ZCCHC24: variants seen among roughly 807,000 people sequenced by gnomAD.
ZCCHC24 encodes zinc finger CCHC domain-containing protein 24.
A neutral mutation model predicts 26.2 loss-of-function variants in ZCCHC24; 10 were observed. The ratio of observed to expected loss-of-function variants is 0.38; its 90% CI spans 0.24 to 0.65. The LOEUF is 0.65. Ranked by LOEUF, ZCCHC24 falls within the 30% of genes least tolerant of loss-of-function variation. The pLI is 0.54. For missense variants in ZCCHC24, 243 were observed against 329.1 expected, an observed-to-expected ratio of 0.74 and a Z score of 2.03; for synonymous variants, 144 against 147.1, an observed-to-expected ratio of 0.98 and a Z score of 0.15.
intron 1 of ZCCHC24, among the ~76,000 whole-genome samples, chr10:79,440,138 C>G (rs964102071): frequency 6.6e-6 from 1 of 151,942 alleles, no homozygotes; most frequent in African/African-American, 2.4e-5. Flanking sequence ...CACAACAGAT[C>G]TAGGACCTGA....
In ZCCHC24 at chr10:79,440,391, CCCAGTACTCATGA is replaced by C. The variant is rs540357084; in HGVS notation, c.246+4791_246+4803del. On this transcript the variant is annotated intron_variant, in intron 1 of 3. Coordinates refer to ENST00000372336, the MANE Select transcript of ZCCHC24 (RefSeq NM_153367.4). ...GCTGGAACAGGGACATGGTAGGAAA[CCCAGTACTCATGA>C]CCAGTACTCAGCAATTCCAGAAAGT... Among the ~76,000 whole-genome samples the C allele has an allele frequency of 6.5e-4, 99 of 152,274 alleles. 3 individuals carry two copies. In the South Asian group the frequency reaches 0.02, roughly 31 times the overall value.
At chr10:79,391,425 G>C (rs1489836060) in intron 3 of ZCCHC24, among the ~76,000 whole-genome samples, 4 of 152,086 alleles carry the variant, frequency 2.6e-5, no homozygotes. Context: ...AGCTGGGGCA[G>C]TATCGGGGCA....
chr10:79,403,560 G>C (rs1056315719), intron 2 of ZCCHC24: 1 of 985,306 alleles, frequency 1.0e-6, no homozygotes, highest in African/African-American at 1.7e-5. Context: ...GCGGCCTGCA[G>C]GATGCTGGGA....
chr10:79,411,632 G>T (rs888016997), intron 2 of ZCCHC24, among the ~76,000 whole-genome samples: 1 of 152,166 alleles, frequency 6.6e-6, no homozygotes, highest in Non-Finnish European at 1.5e-5. Flanking sequence ...ACTGCCCACG[G>T]GTGCCCCACT....
At chr10:79,414,265 G>A (rs1382849991) in intron 2 of ZCCHC24, among the ~76,000 whole-genome samples, 1 of 152,232 alleles carries the variant, frequency 6.6e-6, no homozygotes, top group Non-Finnish European at 1.5e-5. Flanking sequence ...AGTTCTTGGA[G>A]TCTCTAGAAT....
chr10:79,406,276 T>G (rs1196006128), intron 2 of ZCCHC24, among the ~76,000 whole-genome samples: 2 of 152,126 alleles, frequency 1.3e-5, no homozygotes, highest in African/African-American at 4.8e-5. Context: ...ATTCCCTCCT[T>G]GCTGAGCGAG....
intron 2 of ZCCHC24, among the ~76,000 whole-genome samples, chr10:79,397,484 G>A (rs1448768256): frequency 6.6e-6 from 1 of 152,092 alleles, no homozygotes; most frequent in Non-Finnish European, 1.5e-5. Flanking sequence ...CTTCACCTGG[G>A]GTCTGGAACC....
intron 3 of ZCCHC24, among the ~76,000 whole-genome samples, chr10:79,387,151 T>C (rs1442888463): frequency 6.6e-6 from 1 of 152,048 alleles, no homozygotes; most frequent in Admixed American, 6.5e-5. Flanking sequence ...TGAGGCTGCA[T>C]GAATGAAACC....
At position 79,384,408 on chromosome 10, in the gene ZCCHC24, G is replaced by A. The variant is rs532497552; in HGVS notation, c.*1937C>T. On this transcript the variant is annotated 3_prime_UTR_variant, in exon 4 of 4. Transcript: ENST00000372336. ...CTGCGAACATTCTCTTTAGCAGTGC[G>A]GTAGGATGACTGTCAGTGGCAGCTT... 2.6e-5 allele frequency: 4 copies of A among 152,554 alleles called. No individual in the cohort carries two copies. The highest frequency in any genetic ancestry group is 2.1e-4 in the South Asian group (1 of 4,822). The allele number at this position is 152,554 out of a possible 1,614,324, so 9.5% of individuals were successfully genotyped here.
At chr10:79,412,031 G>A (rs1023597468) in intron 2 of ZCCHC24, among the ~76,000 whole-genome samples, 16 of 152,220 alleles carry the variant, frequency 1.1e-4, no homozygotes, top group East Asian at 1.9e-4. Context: ...GAGGAACCAC[G>A]TGGGGAGTCT....
Position 79,445,268 on chromosome 10 carries a change from C to T in ZCCHC24, c.173G>A (p.Gly58Asp), listed in dbSNP as rs1857349577. 4 of 1,454,616 alleles carry T rather than the reference C, an allele frequency of 2.7e-6. No individual in the cohort carries two copies. Among genetic ancestry groups the T allele is most frequent in the African/African-American group, 2.9e-5 (2 of 67,854 alleles). 90.1% of individuals were successfully genotyped at this position (1,454,616 alleles called of 1,614,324 possible). A position where few individuals can be genotyped will look rare whatever the true frequency, so the allele number is the denominator to read the frequency against. Residue 58 changes from glycine (G) to aspartate (D), a missense_variant, in exon 1 of 4, where the codon GGC becomes GAC. Transcript: ENST00000372336. ...AAPPELAFGKGRPEQLGSPLH... is the reference protein window; with the variant it reads ...AAPPELAFGKDRPEQLGSPLH... ...GGGCGAGCCCAGCTGCTCGGGGCGGCCCTTGCCGAAGGCCAGCTCCGGGGG... is the reference window on the plus strand; with the variant it reads ...GGGCGAGCCCAGCTGCTCGGGGCGGTCCTTGCCGAAGGCCAGCTCCGGGGG...
intron 1 of ZCCHC24, among the ~76,000 whole-genome samples, chr10:79,442,541 G>T (rs1857303649): frequency 6.6e-6 from 1 of 152,300 alleles, no homozygotes; most frequent in Admixed American, 6.5e-5. Context: ...GAGGGGGTGG[G>T]CTCTTGGCAC....
intron 1 of ZCCHC24, among the ~76,000 whole-genome samples, chr10:79,444,477 C>CT (rs374103179): frequency 6.6e-6 from 1 of 152,056 alleles, no homozygotes; most frequent in African/African-American, 2.4e-5. Flanking sequence ...CCTCTCCCCC[C>CT]CCCTTTCTAG....
At chr10:79,436,266 C>T (rs1857216766) in intron 1 of ZCCHC24, among the ~76,000 whole-genome samples, 1 of 152,226 alleles carries the variant, frequency 6.6e-6, no homozygotes, top group Non-Finnish European at 1.5e-5. Context: ...ATGCCCTTCT[C>T]TATGTCCATC....
intron 3 of ZCCHC24, 26 bp from the exon 4 acceptor site, chr10:79,386,484 C>T (rs532967965): frequency 5.8e-6 from 9 of 1,558,358 alleles, no homozygotes; most frequent in Non-Finnish European, 7.9e-6. Flanking sequence ...GGAAGGGGCC[C>T]AGGGGAGTGA....
In ZCCHC24 at chr10:79,385,964, G is replaced by A. The variant is rs1054108602; in HGVS notation, c.*381C>T. ...GGCCTGGCTGGTCTGGGGAGGTTTG[G>A]GATTCACAGTCAATTTAGTGCACCT... On this transcript the variant is annotated 3_prime_UTR_variant, in exon 4 of 4. Coordinates refer to ENST00000372336, the MANE Select transcript of ZCCHC24 (RefSeq NM_153367.4). This position sits in a 1 kb window ranked among gnomAD's most constrained non-coding sequence, Gnocchi z 4.3. 2.3e-6 allele frequency: 1 copy of A among 426,074 alleles called. No homozygotes were observed. Among genetic ancestry groups the A allele is most frequent in the Non-Finnish European group, 4.2e-6 (1 of 240,308 alleles). 26.4% of individuals were successfully genotyped at this position (426,074 alleles called of 1,614,324 possible). A position where few individuals can be genotyped will look rare whatever the true frequency, so the allele number is the denominator to read the frequency against.
chr10:79,427,003 C>A (rs560567663), intron 2 of ZCCHC24, among the ~76,000 whole-genome samples: 1 of 152,006 alleles, frequency 6.6e-6, no homozygotes, highest in Non-Finnish European at 1.5e-5. Flanking sequence ...AGGAAAATAT[C>A]TGTCATGTAA....
chr10:79,410,296 G>A (rs1856772557), intron 2 of ZCCHC24, among the ~76,000 whole-genome samples: 1 of 152,242 alleles, frequency 6.6e-6, no homozygotes, highest in African/African-American at 2.4e-5. Context: ...GCAAGATTGG[G>A]AACTGCATTC....
At chr10:79,386,595 C>A (rs1215852879) in intron 3 of ZCCHC24, 137 bp from the exon 4 acceptor site, 2 of 626,154 alleles carry the variant, frequency 3.2e-6, no homozygotes, top group African/African-American at 1.8e-5. Context: ...GAGAGGCACA[C>A]CTCTGCAGAG....
Sources: allele counts gnomAD v4.1 joint callset (sites outside exome capture counted in the v4.1 genomes callset), GRCh38; gene constraint gnomAD v4.1.1; non-coding constraint Gnocchi (gnomAD v3.1); transcripts MANE v1.5; gene names NCBI Gene and HGNC (gene_info 2026-07-23, HGNC 2026-07-21).